Variants in FGF12 observed in about 807,000 individuals in gnomAD.
The protein encoded by FGF12 is fibroblast growth factor 12.
Under a neutral mutation model 23.6 loss-of-function variants are expected in FGF12, and 14 were observed. That is an observed-to-expected ratio of 0.59 (90% CI 0.39 to 0.93). The LOEUF is 0.93. Ranked by LOEUF, FGF12 falls within the 40% of genes least tolerant of loss-of-function variation. The pLI is 0.00. For missense variants in FGF12, 175 were observed against 217.8 expected (o/e 0.80, Z 1.24); for synonymous variants, 62 against 77.3 (o/e 0.80, Z 1.04).
intron 2 of FGF12, among the ~76,000 whole-genome samples, chr3:192,551,542 G>A (rs1711527862): frequency 6.6e-6 from 1 of 152,220 alleles, no homozygotes. Flanking sequence ...TCCTAACGCA[G>A]CCAGAGTGAG....
At chr3:192,550,421 T>C (rs1223793902) in intron 2 of FGF12, among the ~76,000 whole-genome samples, 2 of 150,182 alleles carry the variant, frequency 1.3e-5, no homozygotes, top group Admixed American at 6.7e-5. Context: ...TAACATATTA[T>C]ATATTGCATA....
chr3:192,353,366 CTTTT>C (rs34992097), intron 3 of FGF12, among the ~76,000 whole-genome samples: 1 of 98,400 alleles, frequency 1.0e-5, no homozygotes, highest in African/African-American at 4.3e-5. Context: ...GAGCAGAAGT[CTTTT>C]TTTTTTTTTT....
intron 2 of FGF12, among the ~76,000 whole-genome samples, chr3:192,692,941 C>T (rs930255602): frequency 1.3e-5 from 2 of 150,606 alleles, no homozygotes; most frequent in African/African-American, 4.9e-5. Context: ...CTATTCAACA[C>T]AGTATTGGAA....
chr3:192,683,900 G>C (rs185161988), intron 2 of FGF12, among the ~76,000 whole-genome samples: 20 of 152,286 alleles, frequency 1.3e-4, no homozygotes, highest in Admixed American at 1.2e-3. Context: ...CTGCGCAATA[G>C]GAAGCATCAA....
intron 4 of FGF12, among the ~76,000 whole-genome samples, chr3:192,243,332 T>C (rs1461018081): frequency 6.6e-6 from 1 of 151,936 alleles, no homozygotes; most frequent in Admixed American, 6.6e-5. Context: ...CTTGCTGTTA[T>C]TAAAAAATAA....
intron 4 of FGF12, among the ~76,000 whole-genome samples, chr3:192,181,768 CT>C (rs1417164586): frequency 6.6e-6 from 1 of 151,298 alleles, no homozygotes; most frequent in Non-Finnish European, 1.5e-5. Flanking sequence ...GTAGCTGGGA[CT>C]ACAGGCATGC....
At chr3:192,652,256 G>A (rs1034461442) in intron 2 of FGF12, among the ~76,000 whole-genome samples, 1 of 152,186 alleles carries the variant, frequency 6.6e-6, no homozygotes, top group Admixed American at 6.5e-5. Context: ...ATCAGAGACA[G>A]CCTCTGGCAT....
chr3:192,220,961 T>C (rs1718442422), intron 4 of FGF12, among the ~76,000 whole-genome samples: 1 of 152,276 alleles, frequency 6.6e-6, no homozygotes, highest in African/African-American at 2.4e-5. Flanking sequence ...CCTCCAAATA[T>C]TGTATCTTAA....
At chr3:192,158,340 TTC>T (rs1406908970) in intron 5 of FGF12, among the ~76,000 whole-genome samples, 71 of 67,846 alleles carry the variant, frequency 1.0e-3, no homozygotes, top group African/African-American at 4.1e-3. Flanking sequence ...TTCTCTTTCT[TTC>T]TTTCTTTCTT....
At chr3:192,666,966 G>A (rs531796026) in intron 2 of FGF12, among the ~76,000 whole-genome samples, 11 of 150,126 alleles carry the variant, frequency 7.3e-5, no homozygotes, top group African/African-American at 2.7e-4. Flanking sequence ...TAGACATAAA[G>A]AACATCATAA....
At chr3:192,630,883 A>G (rs1715366746) in intron 2 of FGF12, among the ~76,000 whole-genome samples, 2 of 151,608 alleles carry the variant, frequency 1.3e-5, no homozygotes, top group South Asian at 4.2e-4. Flanking sequence ...TAGAAAAACT[A>G]TATTATGGCC....
chr3:192,172,407 G>A (rs1039076213), intron 4 of FGF12, among the ~76,000 whole-genome samples: 2 of 149,968 alleles, frequency 1.3e-5, no homozygotes, highest in Non-Finnish European at 3.0e-5. Flanking sequence ...TCAAAAAAAA[G>A]TCCAAGAAAA....
At chr3:192,387,677 T>A (rs1950856512) in intron 2 of FGF12, among the ~76,000 whole-genome samples, 3 of 149,450 alleles carry the variant, frequency 2.0e-5, no homozygotes, top group Admixed American at 2.0e-4. Flanking sequence ...CAAAACCCCA[T>A]CTCTACAAAA....
rs34596382 is a variant in FGF12 at position 192,589,333 on chromosome 3, C to CAA, written c.13+137846_13+137847dup. ...CTGGTGACAGAGTGAGACTCCATCT[C>CAA]AAAAAAAAAAAAAAGTCCTAAAATT... On this transcript the variant is annotated intron_variant, in intron 2 of 5. Transcript: ENST00000445105. Among the ~76,000 whole-genome samples, 234 of 123,678 alleles carry CAA rather than the reference C, an allele frequency of 1.9e-3. 2 individuals carry two copies. Among genetic ancestry groups the CAA allele is most frequent in the Middle Eastern group, 4.5e-3 (1 of 224 alleles). The allele number at this position is 123,678 out of a possible 152,430, so 81.1% of individuals were successfully genotyped here. A position where few individuals can be genotyped will look rare whatever the true frequency, so the allele number is the denominator to read the frequency against.
At chr3:192,226,031 G>GATC (rs1718715276) in intron 4 of FGF12, among the ~76,000 whole-genome samples, 1 of 152,112 alleles carries the variant, frequency 6.6e-6, no homozygotes, top group Non-Finnish European at 1.5e-5. Context: ...TTAGATACTG[G>GATC]TGATGAATGC....
intron 4 of FGF12, among the ~76,000 whole-genome samples, chr3:192,250,796 T>TA (rs1560035065): frequency 6.6e-6 from 1 of 152,072 alleles, no homozygotes; most frequent in African/African-American, 2.4e-5. Context: ...GGTTTTTTTT[T>TA]AATTTCTGGT....
chr3:192,167,802 A>G (rs1715312113), intron 5 of FGF12, among the ~76,000 whole-genome samples: 1 of 107,290 alleles, frequency 9.3e-6, no homozygotes, highest in East Asian at 2.7e-4. Flanking sequence ...TTGAGAAAGA[A>G]TCTTGCTTTA....
intron 2 of FGF12, among the ~76,000 whole-genome samples, chr3:192,725,104 C>T (rs995661002): frequency 6.6e-5 from 10 of 152,202 alleles, no homozygotes; most frequent in Admixed American, 1.3e-4. Context: ...TCTTAATACA[C>T]TCTTTTTGGC....
At chr3:192,646,285 G>A (rs995281515) in intron 2 of FGF12, among the ~76,000 whole-genome samples, 2 of 151,984 alleles carry the variant, frequency 1.3e-5, no homozygotes, top group Non-Finnish European at 2.9e-5. Flanking sequence ...AGAGGCAGGG[G>A]AAGTAAAGCC....
Sources: allele counts gnomAD v4.1 joint callset (sites outside exome capture counted in the v4.1 genomes callset), GRCh38; gene constraint gnomAD v4.1.1; transcripts MANE v1.5; gene names NCBI Gene and HGNC (gene_info 2026-07-23, HGNC 2026-07-21).